Variants in GABRG3 observed in about 807,000 individuals in gnomAD.
The protein encoded by GABRG3 is gamma-aminobutyric acid type A receptor subunit gamma3.
Under a neutral mutation model 48.8 loss-of-function variants are expected in GABRG3, and 25 were observed. The observed-to-expected ratio is 0.51, with a 90% CI of 0.37 to 0.72. The LOEUF is 0.72. Among genes scored for constraint, GABRG3 ranks in the 30% least tolerant of loss-of-function variants. GABRG3 has a pLI of 0.00. For missense variants in GABRG3, 394 were observed against 577.9 expected (o/e 0.68, Z 3.26); for synonymous variants, 227 against 217.6 (o/e 1.04, Z -0.38).
At chr15:27,227,261 G>A in intron 3 of GABRG3, among the ~76,000 whole-genome samples, 1 of 152,180 alleles carries the variant, frequency 6.6e-6, no homozygotes, top group East Asian at 1.9e-4. Context: ...CAAGGTAGGA[G>A]GATCACTTGA....
At chr15:27,108,501 G>A (rs1007325850) in intron 3 of GABRG3, among the ~76,000 whole-genome samples, 5 of 152,150 alleles carry the variant, frequency 3.3e-5, no homozygotes, top group Non-Finnish European at 5.9e-5. Flanking sequence ...TCTAGTGCAT[G>A]GTCTATGCTG....
intron 3 of GABRG3, among the ~76,000 whole-genome samples, chr15:27,305,195 T>C (rs931431556): frequency 3.3e-5 from 5 of 151,794 alleles, no homozygotes; most frequent in Non-Finnish European, 7.4e-5. Context: ...TGAATTATTT[T>C]GGTACTCTAA....
intron 3 of GABRG3, among the ~76,000 whole-genome samples, chr15:27,163,673 C>T (rs1319183376): frequency 6.6e-6 from 1 of 152,266 alleles, no homozygotes; most frequent in East Asian, 1.9e-4. Flanking sequence ...GCATGGTGGC[C>T]ATATCCACAC....
chr15:27,521,198 G>A (rs1053680250), intron 7 of GABRG3, among the ~76,000 whole-genome samples: 1 of 152,110 alleles, frequency 6.6e-6, no homozygotes, highest in Non-Finnish European at 1.5e-5. Flanking sequence ...CTGGGCTCAA[G>A]ACACAGAAGC....
intron 2 of GABRG3, among the ~76,000 whole-genome samples, chr15:27,010,707 T>A (rs919628156): frequency 6.6e-6 from 1 of 152,154 alleles, no homozygotes; most frequent in Admixed American, 6.5e-5. Context: ...TATCCCAAAC[T>A]CCTGGTTGTT....
rs540740482 is a variant in GABRG3, at chr15:27,467,785, T to C, written c.575-12865T>C. 1.4e-4 allele frequency among the ~76,000 whole-genome samples: 21 copies of C among 152,380 alleles called. No homozygotes were observed. The East Asian group carries it at 2.9e-3, about 21-fold the overall frequency. On this transcript the variant is annotated intron_variant, in intron 5 of 9. Coordinates refer to ENST00000615808, the MANE Select transcript of GABRG3 (RefSeq NM_033223.5). The stretch of plus-strand genomic sequence containing the variant: ...ACTTTAAAGTAAATGGTACATTGTA[T>C]GGATTTTCCTAGAAATGTAGTCGTC...
chr15:26,977,721 T>A (rs1420608650), intron 2 of GABRG3, among the ~76,000 whole-genome samples: 1 of 152,226 alleles, frequency 6.6e-6, no homozygotes, highest in Non-Finnish European at 1.5e-5. Context: ...TAGCCATTCA[T>A]CTGTTGGGGA....
chr15:27,147,950 A>C (rs1898239900), intron 3 of GABRG3, among the ~76,000 whole-genome samples: 1 of 152,000 alleles, frequency 6.6e-6, no homozygotes, highest in Non-Finnish European at 1.5e-5. Flanking sequence ...AGCAGAAAAA[A>C]GAAATAATAA....
At chr15:27,468,839 G>A (rs780117291) in intron 5 of GABRG3, among the ~76,000 whole-genome samples, 5 of 152,148 alleles carry the variant, frequency 3.3e-5, no homozygotes, top group African/African-American at 4.8e-5. Context: ...ATCATATGCT[G>A]TGGTTGTTAA....
rs1206780303 is a variant in GABRG3 at position 27,534,018 on chromosome 15, GT to G, written c.*1143del. 6.6e-6 allele frequency: 1 copy of G among 151,460 alleles called. No individual in the cohort carries two copies. The highest frequency in any genetic ancestry group is 1.9e-4 in the East Asian group (1 of 5,136). 9.4% of individuals were successfully genotyped at this position (151,460 alleles called of 1,614,324 possible). Reference sequence around the variant, plus strand: ...ACACCCGGCTAATTTTTGTATTTTTGTTTTTTGTTTTTTGGGTTTTTTTAGT... The same window carrying G: ...ACACCCGGCTAATTTTTGTATTTTTGTTTTTGTTTTTTGGGTTTTTTTAGT... On this transcript the variant is annotated 3_prime_UTR_variant, in exon 10 of 10. Transcript: ENST00000615808.
At chr15:27,490,899 C>A (rs1350318311) in intron 6 of GABRG3, among the ~76,000 whole-genome samples, 1 of 151,372 alleles carries the variant, frequency 6.6e-6, no homozygotes, top group East Asian at 2.0e-4. Context: ...CCCCCACCAC[C>A]ACCCCCCCTT....
intron 3 of GABRG3, among the ~76,000 whole-genome samples, chr15:27,207,550 G>A (rs1888895121): frequency 1.3e-5 from 2 of 152,190 alleles, no homozygotes; most frequent in South Asian, 4.1e-4. Flanking sequence ...CTAGTGGAAA[G>A]TTCTGTCCAC....
intron 5 of GABRG3, among the ~76,000 whole-genome samples, chr15:27,459,665 A>G (rs1223107065): frequency 6.6e-6 from 1 of 152,256 alleles, no homozygotes; most frequent in East Asian, 1.9e-4. Flanking sequence ...ATAAAAAAAT[A>G]TAATTAGCAT....
chr15:27,500,607 G>A (rs905993891), intron 6 of GABRG3, among the ~76,000 whole-genome samples: 1 of 152,156 alleles, frequency 6.6e-6, no homozygotes, highest in African/African-American at 2.4e-5. Context: ...CCCCTAAGAC[G>A]CCTTTCCTGT....
In GABRG3 at chr15:27,145,613, CTA is replaced by C. The variant is rs767233097; in HGVS notation, c.270+118794_270+118795del. ...TATACATATATCTATCTCTATCTAT[CTA>C]TCTATCTATCTATCTATCTATCTAT... is the stretch of plus-strand genomic sequence containing the variant. On this transcript the variant is annotated intron_variant, in intron 3 of 9. Transcript: ENST00000615808. Among the ~76,000 whole-genome samples the C allele has an allele frequency of 2.9e-5, 4 of 139,722 alleles. No individual in the cohort carries two copies. In the South Asian group the frequency reaches 6.9e-4, roughly 24 times the overall value. The allele number at this position is 139,722 out of a possible 152,430, so 91.7% of individuals were successfully genotyped here.
rs1442417207 is a variant in GABRG3 at position 27,180,822 on chromosome 15, C to T, written c.271-145987C>T. On this transcript the variant is annotated intron_variant, in intron 3 of 9. Transcript: ENST00000615808. The surrounding 1 kb of genome is among the most constrained non-coding windows in gnomAD (Gnocchi z 4.2). ...CATTTTGTCACTATCAGCATATATA[C>T]CCCATGTAGCCACTGAAAAGGTCTA... Among the ~76,000 whole-genome samples, 1 of 152,160 alleles carries T rather than the reference C, an allele frequency of 6.6e-6. No homozygotes were observed. Among genetic ancestry groups the T allele is most frequent in the Non-Finnish European group, 1.5e-5 (1 of 68,036 alleles).
Position 27,478,722 on chromosome 15 carries a change from G to A in GABRG3, c.575-1928G>A, listed in dbSNP as rs145420137. 1.2e-3 allele frequency among the ~76,000 whole-genome samples: 190 copies of A among 152,138 alleles called. 2 individuals carry two copies. The highest frequency in any genetic ancestry group is 0.012 in the East Asian group (63 of 5,184). On this transcript the variant is annotated intron_variant, in intron 5 of 9. Coordinates refer to ENST00000615808, the MANE Select transcript of GABRG3 (RefSeq NM_033223.5). Reference sequence around the variant, plus strand: ...AATGCCCATAACAACATTCATAATCGTGAAAAAATGGACTCAACCAAAAGA... The same window carrying A: ...AATGCCCATAACAACATTCATAATCATGAAAAAATGGACTCAACCAAAAGA...
chr15:27,257,909 G>A (rs1357991281), intron 3 of GABRG3, among the ~76,000 whole-genome samples: 2 of 85,168 alleles, frequency 2.3e-5, no homozygotes, highest in Non-Finnish European at 5.4e-5. Flanking sequence ...TCCCACCTCT[G>A]CCTCTCAAAG....
chr15:27,125,007 T>C (rs924889358), intron 3 of GABRG3, among the ~76,000 whole-genome samples: 1 of 152,218 alleles, frequency 6.6e-6, no homozygotes, highest in Non-Finnish European at 1.5e-5. Flanking sequence ...TGTGGGATTA[T>C]TTCTCCCTAG....
Sources: allele counts gnomAD v4.1 joint callset (sites outside exome capture counted in the v4.1 genomes callset), GRCh38; gene constraint gnomAD v4.1.1; non-coding constraint Gnocchi (gnomAD v3.1); transcripts MANE v1.5; gene names NCBI Gene and HGNC (gene_info 2026-07-23, HGNC 2026-07-21).